Variants in PRAMEF1 observed in about 807,000 individuals in gnomAD.
The protein encoded by PRAMEF1 is PRAME family member 1.
Under a neutral mutation model 38.2 loss-of-function variants are expected in PRAMEF1, and 21 were observed. The ratio of observed to expected loss-of-function variants is 0.55; its 90% CI spans 0.39 to 0.79. PRAMEF1 has a LOEUF of 0.79. Among genes scored for constraint, PRAMEF1 ranks in the 30% least tolerant of loss-of-function variants. The probability of loss-of-function intolerance (pLI) is 0.00; values close to 1 mark genes in which losing one functional copy is unlikely to be tolerated. For missense variants in PRAMEF1, 497 were observed against 565.8 expected, an observed-to-expected ratio of 0.88 and a Z score of 1.23; for synonymous variants, 200 against 229.0, an observed-to-expected ratio of 0.87 and a Z score of 1.14.
Position 12,795,628 on chromosome 1 carries a change from A to T in PRAMEF1, c.1057A>T (p.Thr353Ser). ...LLEKIAASLK[T>S]LILEGCQIHY... ...GGAGAAAATTGCTGCCTCTCTCAAAACCCTCATCTTGGAGGGCTGTCAGAT... is the reference window on the plus strand; with the variant it reads ...GGAGAAAATTGCTGCCTCTCTCAAATCCCTCATCTTGGAGGGCTGTCAGAT... Residue 353 changes from threonine (T) to serine (S), a missense_variant, in exon 4 of 4, where the codon ACC becomes TCC. Coordinates refer to ENST00000332296, the MANE Select transcript of PRAMEF1 (RefSeq NM_023013.4). 1 of 1,611,226 alleles carries T rather than the reference A, an allele frequency of 6.2e-7. No homozygotes were observed. The highest frequency in any genetic ancestry group is 8.5e-7 in the Non-Finnish European group (1 of 1,179,614).
chr1:12,793,872 G>T lies in PRAMEF1; in HGVS notation c.288-43G>T, dbSNP rs79797347. ...GACAATGAAAGCAAAGGTCAGGGATGAGTCCTTCTAAATTCTGAGTCTCTC... is the reference window on the plus strand; with the variant it reads ...GACAATGAAAGCAAAGGTCAGGGATTAGTCCTTCTAAATTCTGAGTCTCTC... On this transcript the variant is annotated intron_variant, in intron 2 of 3. Coordinates refer to ENST00000332296, the MANE Select transcript of PRAMEF1 (RefSeq NM_023013.4). 7.0e-6 allele frequency: 11 copies of T among 1,582,478 alleles called. 1 individual carries two copies. In the East Asian group the frequency reaches 9.1e-5, roughly 13 times the overall value.
chr1:12,793,129 T>C (rs1639323242), intron 1 of PRAMEF1, 74 bp from the exon 2 acceptor site: 1 of 1,550,464 alleles, frequency 6.4e-7, no homozygotes, highest in Non-Finnish European at 8.8e-7. Flanking sequence ...GAAGACATTC[T>C]TCCTGGTACC....
intron 3 of PRAMEF1, chr1:12,794,887 T>C (rs1639365898): frequency 7.5e-7 from 1 of 1,329,102 alleles, no homozygotes; most frequent in African/African-American, 1.5e-5. Flanking sequence ...CAATAGAACG[T>C]CTGTCCTCAC....
At chr1:12,792,967 G>A (rs201016936) in intron 1 of PRAMEF1, among the ~76,000 whole-genome samples, 1 of 151,114 alleles carries the variant, frequency 6.6e-6, no homozygotes, top group African/African-American at 2.4e-5. Context: ...TTGCTTTAGG[G>A]TGGTAAGTGA....
Position 12,793,937 on chromosome 1 carries a change from G to A in PRAMEF1, c.310G>A (p.Asp104Asn). The change falls in exon 3 of 4, where the codon GAT becomes AAT. Residue 104 changes from aspartate (D) to asparagine (N), a missense_variant. Around this residue, in one of 2 missense-constraint regions of PRAMEF1, gnomAD observed 470 missense variants for 501.9 expected, o/e 0.94. Coordinates refer to ENST00000332296, the MANE Select transcript of PRAMEF1 (RefSeq NM_023013.4). Reference protein sequence around the residue: ...RPRRWKLQVLDLRDVDENFWA... With the variant: ...RPRRWKLQVLNLRDVDENFWA... ...CAGGAGGTGGAAACTTCAAGTGCTGGATTTGCGGGATGTTGACGAGAATTT... is the reference window on the plus strand; with the variant it reads ...CAGGAGGTGGAAACTTCAAGTGCTGAATTTGCGGGATGTTGACGAGAATTT... 6.2e-7 allele frequency: 1 copy of A among 1,609,048 alleles called. No homozygotes were observed. The highest frequency in any genetic ancestry group is 1.1e-5 in the South Asian group (1 of 90,504).
At chr1:12,791,968 C>T (rs538347476) in intron 1 of PRAMEF1, among the ~76,000 whole-genome samples, 1 of 151,140 alleles carries the variant, frequency 6.6e-6, no homozygotes, top group Non-Finnish European at 1.5e-5. Flanking sequence ...CTATAGGAAC[C>T]TTCATCTTAG....
Position 12,793,379 on chromosome 1 carries a change from C to T in PRAMEF1, c.152C>T (p.Thr51Ile), listed in dbSNP as rs762053296. The change falls in exon 2 of 4, where the codon ACT becomes ATT. Residue 51 changes from threonine to isoleucine, a missense_variant. By Grantham distance (89) the Thr-to-Ile change is moderately conservative (BLOSUM62 -1). Transcript: ENST00000332296. ...GCCTTCAGCAGGAGACACTTCCAGA[C>T]TCTGACGGTGATGGTTCAGGCCTGG... Reference protein sequence around the residue: ...MEAFSRRHFQTLTVMVQAWPF... With the variant: ...MEAFSRRHFQILTVMVQAWPF... 6.2e-7 allele frequency: 1 copy of T among 1,610,144 alleles called. No homozygotes were observed. Among genetic ancestry groups the T allele is most frequent in the South Asian group, 1.1e-5 (1 of 90,502 alleles).
intron 3 of PRAMEF1, 139 bp downstream of exon 3, chr1:12,794,632 C>T: frequency 2.0e-6 from 3 of 1,523,402 alleles, no homozygotes; most frequent in Non-Finnish European, 2.7e-6. Context: ...AACACATTGT[C>T]CCATTCAGTG....
Position 12,794,593 on chromosome 1 carries a change from C to G in PRAMEF1, c.866+100C>G. 4 of 1,527,366 alleles carry G rather than the reference C, an allele frequency of 2.6e-6. 1 individual carries two copies. Among genetic ancestry groups the G allele is most frequent in the Non-Finnish European group, 3.6e-6 (4 of 1,117,368 alleles). 94.6% of individuals were successfully genotyped at this position (1,527,366 alleles called of 1,614,324 possible). A position where few individuals can be genotyped will look rare whatever the true frequency, so the allele number is the denominator to read the frequency against. On this transcript the variant is annotated intron_variant, in intron 3 of 3. Coordinates refer to ENST00000332296, the MANE Select transcript of PRAMEF1 (RefSeq NM_023013.4). Reference sequence around the variant, plus strand: ...TGTACTGTGTGCCAGCCAGTGGCAACGTCACAGTGAAGGGGACATCAGAAT... The same window carrying G: ...TGTACTGTGTGCCAGCCAGTGGCAAGGTCACAGTGAAGGGGACATCAGAAT...
intron 3 of PRAMEF1, 32 bp from the exon 4 acceptor site, chr1:12,795,406 A>T (rs1468082457): frequency 1.9e-6 from 3 of 1,609,358 alleles, no homozygotes; most frequent in Non-Finnish European, 2.5e-6. Context: ...AACTGGTATC[A>T]CTGCCCAGAA....
chr1:12,792,335 C>G (rs1016359264), intron 1 of PRAMEF1, among the ~76,000 whole-genome samples: 1 of 151,280 alleles, frequency 6.6e-6, no homozygotes, highest in African/African-American at 2.4e-5. Flanking sequence ...GTTAGCATTT[C>G]TATACATACC....
chr1:12,791,619 A>C (rs1216503209), intron 1 of PRAMEF1, 145 bp downstream of exon 1: 2 of 149,378 alleles, frequency 1.3e-5, no homozygotes, highest in Non-Finnish European at 3.0e-5. Flanking sequence ...TTTCCTCTAA[A>C]TGTAGTTTTG....
In PRAMEF1 at chr1:12,793,414, T is replaced by C. The variant is rs1445862560; in HGVS notation, c.187T>C (p.Cys63Arg). Residue 63 changes from cysteine (C) to arginine (R), a missense_variant, in exon 2 of 4, where the codon TGC becomes CGC. Around this residue, in one of 2 missense-constraint regions of PRAMEF1, gnomAD observed 470 missense variants for 501.9 expected, o/e 0.94. Transcript: ENST00000332296. ...TVMVQAWPFT[C>R]LPLGSLMKTL... ...GATGGTTCAGGCCTGGCCCTTCACC[T>C]GCCTCCCTCTGGGATCACTGATGAA... is the stretch of plus-strand genomic sequence containing the variant. 7.5e-6 allele frequency: 12 copies of C among 1,610,036 alleles called. 2 individuals carry two copies. Among genetic ancestry groups the C allele is most frequent in the Non-Finnish European group, 9.3e-6 (11 of 1,177,964 alleles).
rs1639343928 is a variant in PRAMEF1, at chr1:12,794,037, A to G, written c.410A>G (p.Asp137Gly). 1.2e-6 allele frequency: 2 copies of G among 1,608,748 alleles called. No homozygotes were observed. The highest frequency in any genetic ancestry group is 1.7e-6 in the Non-Finnish European group (2 of 1,178,304). The stretch of plus-strand genomic sequence containing the variant: ...ACGAGTAAGAGGCAGACAGCAGAGG[A>G]CTGTCCAAGGATGGGAGAGCACCAG... ...ETTSKRQTAE[D>G]CPRMGEHQPL... is the part of the protein sequence containing the mutation. Residue 137 changes from aspartate (D) to glycine (G), a missense_variant, in exon 3 of 4, where the codon GAC becomes GGC. Asp to Gly is a moderately conservative substitution (Grantham distance 94). Around this residue, in one of 2 missense-constraint regions of PRAMEF1, gnomAD observed 470 missense variants for 501.9 expected, o/e 0.94. Coordinates refer to ENST00000332296, the MANE Select transcript of PRAMEF1 (RefSeq NM_023013.4).
rs1167622311 is a variant in PRAMEF1, at chr1:12,796,304, G to A, written c.*308G>A. 5.5e-5 allele frequency: 25 copies of A among 454,906 alleles called. No homozygotes were observed. Among genetic ancestry groups the A allele is most frequent in the Non-Finnish European group, 8.5e-5 (23 of 272,140 alleles). The allele number at this position is 454,906 out of a possible 1,614,324, so 28.2% of individuals were successfully genotyped here. On this transcript the variant is annotated 3_prime_UTR_variant, in exon 4 of 4. Coordinates refer to ENST00000332296, the MANE Select transcript of PRAMEF1 (RefSeq NM_023013.4). ...AGCACAGGCAAGTGTTCAGTGTGAG[G>A]GAAAAAACATAACAGCAGGGGGCAA... is the stretch of plus-strand genomic sequence containing the variant.
intron 3 of PRAMEF1, 35 bp downstream of exon 3, chr1:12,794,528 C>T (rs961757392): frequency 6.2e-7 from 1 of 1,607,168 alleles, no homozygotes; most frequent in Admixed American, 1.7e-5. Context: ...ATGCAGACCA[C>T]AGCATAGCCT....
intron 2 of PRAMEF1, 138 bp downstream of exon 2, chr1:12,793,652 C>T: frequency 5.2e-6 from 8 of 1,542,538 alleles, no homozygotes; most frequent in Non-Finnish European, 7.0e-6. Flanking sequence ...AGGCTTTGGC[C>T]ATTTTCCAGA....
intron 1 of PRAMEF1, among the ~76,000 whole-genome samples, chr1:12,791,902 C>G (rs2819617): frequency 0.32 from 48,606 of 150,098 alleles, 9,002 homozygotes; most frequent in East Asian, 0.49. Flanking sequence ...TGGGATTCAT[C>G]TTTGCCCCTA....
intron 1 of PRAMEF1, among the ~76,000 whole-genome samples, chr1:12,792,170 C>T (rs1639305069): frequency 6.6e-6 from 1 of 150,938 alleles, no homozygotes; most frequent in African/African-American, 2.4e-5. Context: ...TACAGGCACT[C>T]ACCACCATGC....
Sources: gnomAD v4.1 joint callset for allele counts (sites outside exome capture counted in the v4.1 genomes callset) on GRCh38, gnomAD v4.1.1 for gene constraint, gnomAD v4.1.1 regional missense constraint, MANE v1.5 for transcripts, NCBI Gene and HGNC (gene_info 2026-07-23, HGNC 2026-07-21) for gene names.